The following PPP2CA variants were observed in gnomAD, a reference collection of about 807,000 sequenced individuals.
PPP2CA encodes protein phosphatase 2 catalytic subunit alpha, also known as serine/threonine-protein phosphatase 2A catalytic subunit alpha isoform.
Under a neutral mutation model 38.8 loss-of-function variants are expected in PPP2CA, and 5 were observed. That is an observed-to-expected ratio of 0.13 (90% CI 0.07 to 0.27). The LOEUF (loss-of-function observed/expected upper bound fraction) is 0.27, where lower values mean the gene tolerates loss of function less well. PPP2CA is among the 10% of genes least tolerant of loss of function. PPP2CA has a pLI of 1.00. For missense variants in PPP2CA, 88 were observed against 389.7 expected, an observed-to-expected ratio of 0.23 and a Z score of 6.52; for synonymous variants, 152 against 134.0, an observed-to-expected ratio of 1.13 and a Z score of -0.93.
intron 1 of PPP2CA, 132 bp downstream of exon 1, chr5:134,225,628 G>T (rs1435455378): frequency 5.8e-6 from 4 of 695,014 alleles, no homozygotes; most frequent in African/African-American, 5.7e-5. Flanking sequence ...CGCCGGCCAG[G>T]ATGGGCGCCG....
At chr5:134,200,027 A>G (rs1270577333) in intron 5 of PPP2CA, among the ~76,000 whole-genome samples, 2 of 152,326 alleles carry the variant, frequency 1.3e-5, no homozygotes. Flanking sequence ...ACGAAATAAC[A>G]TTGGGATCAT....
intron 1 of PPP2CA, among the ~76,000 whole-genome samples, chr5:134,217,666 G>C (rs1372627003): frequency 6.6e-6 from 1 of 152,190 alleles, no homozygotes; most frequent in African/African-American, 2.4e-5. Context: ...AGAGTTTGAG[G>C]CGTGGGGTGA....
intron 1 of PPP2CA, among the ~76,000 whole-genome samples, chr5:134,215,011 T>C (rs1389945158): frequency 6.8e-6 from 1 of 146,814 alleles, no homozygotes; most frequent in Non-Finnish European, 1.5e-5. Flanking sequence ...AATAATGACC[T>C]TGAAGTATTT....
intron 2 of PPP2CA, among the ~76,000 whole-genome samples, chr5:134,204,028 G>C (rs1380885160): frequency 6.6e-6 from 1 of 152,162 alleles, no homozygotes; most frequent in Non-Finnish European, 1.5e-5. Context: ...TGGAGTCACC[G>C]CAGAAACCTT....
At chr5:134,224,471 A>T (rs931950785) in intron 1 of PPP2CA, 15 of 352,894 alleles carry the variant, frequency 4.3e-5, no homozygotes, top group Non-Finnish European at 8.3e-5. Context: ...CAAACTCATG[A>T]ACCTAATTTT....
At chr5:134,213,285 C>T in intron 1 of PPP2CA, among the ~76,000 whole-genome samples, 1 of 152,150 alleles carries the variant, frequency 6.6e-6, no homozygotes, top group Non-Finnish European at 1.5e-5. Flanking sequence ...CATTCTTTAG[C>T]ACTTAAGAAT....
At chr5:134,223,464 A>T (rs572391044) in intron 1 of PPP2CA, among the ~76,000 whole-genome samples, 175 of 152,382 alleles carry the variant, frequency 1.1e-3, no homozygotes, top group African/African-American at 3.5e-3. Context: ...AGTTATAAAC[A>T]GTATGAAGGT....
chr5:134,213,557 A>T (rs1762253673), intron 1 of PPP2CA, among the ~76,000 whole-genome samples: 1 of 152,094 alleles, frequency 6.6e-6, no homozygotes, highest in African/African-American at 2.4e-5. Context: ...AGGCTGTGGC[A>T]GGAGGATTGC....
At position 134,195,772 on chromosome 5, in the gene PPP2CA, A is replaced by G. The variant is rs1761836537; in HGVS notation, c.*2000T>C. ...TGGCCAAAGCCCGGTCAGTCTCTAT[A>G]ATTAAACAATTATTTTAAACCCTAG... On this transcript the variant is annotated 3_prime_UTR_variant, in exon 7 of 7. Transcript: ENST00000481195. 1 of 152,200 alleles carries G rather than the reference A, an allele frequency of 6.6e-6. No homozygotes were observed. Among genetic ancestry groups the G allele is most frequent in the Admixed American group, 6.5e-5 (1 of 15,282 alleles). The allele number at this position is 152,200 out of a possible 1,614,324, so 9.4% of individuals were successfully genotyped here. A position where few individuals can be genotyped will look rare whatever the true frequency, so the allele number is the denominator to read the frequency against.
intron 1 of PPP2CA, among the ~76,000 whole-genome samples, chr5:134,222,481 CTTTA>C (rs1424350742): frequency 5.3e-5 from 8 of 151,904 alleles, no homozygotes; most frequent in African/African-American, 9.7e-5. Flanking sequence ...AATGACTGCA[CTTTA>C]TTTATAGTGC....
In PPP2CA at chr5:134,194,596, A is replaced by C. The variant is rs1249435210; in HGVS notation, c.*3176T>G. The C allele has an allele frequency of 2.6e-5, 4 of 152,276 alleles. No individual in the cohort carries two copies. Among genetic ancestry groups the C allele is most frequent in the Admixed American group, 1.3e-4 (2 of 15,282 alleles). 9.4% of individuals were successfully genotyped at this position (152,276 alleles called of 1,614,324 possible). A position where few individuals can be genotyped will look rare whatever the true frequency, so the allele number is the denominator to read the frequency against. On this transcript the variant is annotated 3_prime_UTR_variant, in exon 7 of 7. Coordinates refer to ENST00000481195, the MANE Select transcript of PPP2CA (RefSeq NM_002715.4). ...TCCCAATTTTCTTAAGTATGTACTTAGGAAACAGCAGTGAGGTGTTTTTGT... is the reference window on the plus strand; with the variant it reads ...TCCCAATTTTCTTAAGTATGTACTTCGGAAACAGCAGTGAGGTGTTTTTGT...
At chr5:134,212,221 CA>C (rs1762219386) in intron 1 of PPP2CA, among the ~76,000 whole-genome samples, 1 of 152,206 alleles carries the variant, frequency 6.6e-6, no homozygotes, top group African/African-American at 2.4e-5. Context: ...TTTAATCAAT[CA>C]AAGCTTCATG....
Position 134,195,814 on chromosome 5 carries a change from C to T in PPP2CA, c.*1958G>A, listed in dbSNP as rs1467824924. 1.3e-5 allele frequency: 2 copies of T among 152,206 alleles called. No individual in the cohort carries two copies. Among genetic ancestry groups the T allele is most frequent in the East Asian group, 3.8e-4 (2 of 5,200 alleles). The allele number at this position is 152,206 out of a possible 1,614,324, so 9.4% of individuals were successfully genotyped here. Reference sequence around the variant, plus strand: ...AAACCCTAGTTATGCTAAAACCAAGCTATTCTTATCACAAGTCCCATTCTG... The same window carrying T: ...AAACCCTAGTTATGCTAAAACCAAGTTATTCTTATCACAAGTCCCATTCTG... On this transcript the variant is annotated 3_prime_UTR_variant, in exon 7 of 7. Transcript: ENST00000481195.
intron 1 of PPP2CA, among the ~76,000 whole-genome samples, chr5:134,206,420 C>T (rs1422007064): frequency 6.6e-6 from 1 of 152,126 alleles, no homozygotes; most frequent in East Asian, 1.9e-4. Flanking sequence ...CACATAAAAC[C>T]AATGAAAATC....
At chr5:134,217,484 TTAA>T (rs1250992600) in intron 1 of PPP2CA, among the ~76,000 whole-genome samples, 1 of 152,230 alleles carries the variant, frequency 6.6e-6, no homozygotes, top group Non-Finnish European at 1.5e-5. Flanking sequence ...TTGAAAATTC[TTAA>T]TAAGTAAAAT....
At chr5:134,220,151 A>T (rs953062330) in intron 1 of PPP2CA, among the ~76,000 whole-genome samples, 1 of 151,856 alleles carries the variant, frequency 6.6e-6, no homozygotes, top group Non-Finnish European at 1.5e-5. Flanking sequence ...AGAAGCCAAA[A>T]GAAAATCTAT....
intron 1 of PPP2CA, among the ~76,000 whole-genome samples, chr5:134,221,536 AG>A (rs1390018346): frequency 2.6e-5 from 4 of 152,222 alleles, no homozygotes; most frequent in African/African-American, 9.7e-5. Flanking sequence ...GAAATTATCT[AG>A]GGTTTTCATC....
chr5:134,211,988 C>T (rs553599172), intron 1 of PPP2CA, among the ~76,000 whole-genome samples: 1 of 152,190 alleles, frequency 6.6e-6, no homozygotes, highest in East Asian at 2.0e-4. Flanking sequence ...GGCGTGGTGG[C>T]AGGCACCTGT....
In PPP2CA at chr5:134,225,935, C is replaced by A; in HGVS notation, c.-74G>T. 7.4e-7 allele frequency: 1 copy of A among 1,360,106 alleles called. No individual in the cohort carries two copies. The highest frequency in any genetic ancestry group is 1.0e-6 in the Non-Finnish European group (1 of 980,842). The allele number at this position is 1,360,106 out of a possible 1,614,324, so 84.3% of individuals were successfully genotyped here. Reference sequence around the variant, plus strand: ...CCGCCCGCACACGGGCCTACACGCACACGCCGCCGCCGGTTCCTCGTGTAC... The same window carrying A: ...CCGCCCGCACACGGGCCTACACGCAAACGCCGCCGCCGGTTCCTCGTGTAC... On this transcript the variant is annotated 5_prime_UTR_variant, in exon 1 of 7. Coordinates refer to ENST00000481195, the MANE Select transcript of PPP2CA (RefSeq NM_002715.4).
Sources: gnomAD v4.1 joint callset for allele counts (sites outside exome capture counted in the v4.1 genomes callset) on GRCh38, gnomAD v4.1.1 for gene constraint, MANE v1.5 for transcripts, NCBI Gene and HGNC (gene_info 2026-07-23, HGNC 2026-07-21) for gene names.